Variants in GIGYF2 observed in about 807,000 individuals in gnomAD.
GIGYF2 encodes the protein GRB10-interacting GYF protein 2.
In GIGYF2, 25 loss-of-function variants were observed where a neutral mutation model predicts 208.1. The ratio of observed to expected loss-of-function variants is 0.12; its 90% CI spans 0.09 to 0.17. The LOEUF (loss-of-function observed/expected upper bound fraction) is 0.17. Ranked by LOEUF, GIGYF2 falls within the 10% of genes least tolerant of loss-of-function variation. The pLI is 1.00. For missense variants in GIGYF2, 1,302 were observed against 1,579.4 expected (o/e 0.82, Z 2.98); for synonymous variants, 534 against 543.8 (o/e 0.98, Z 0.25).
At chr2:232,800,214 T>C (rs752930248) in intron 14 of GIGYF2, among the ~76,000 whole-genome samples, 2 of 152,176 alleles carry the variant, frequency 1.3e-5, no homozygotes, top group Admixed American at 6.5e-5. Context: ...TCCAATGTTA[T>C]ATAAAGCATT....
chr2:232,808,895 A>G (rs550464181), intron 15 of GIGYF2, among the ~76,000 whole-genome samples: 25 of 152,018 alleles, frequency 1.6e-4, no homozygotes, highest in Non-Finnish European at 2.9e-4. Flanking sequence ...TTTGGGGGAG[A>G]GAGTTATAGT....
Position 232,756,197 on chromosome 2 carries a change from C to CTTTTTTTTTTTTTTTTTTTTTTTTT in GIGYF2, c.268-6_268-5insTTTTTTTTTTTTTTTTTTTTTTTTT. On this transcript the variant is annotated intron_variant, in intron 5 of 28. Coordinates refer to ENST00000373563, the MANE Select transcript of GIGYF2 (RefSeq NM_001103146.3). Reference sequence around the variant, plus strand: ...TTTTCTTTCTTTTTTTCCTTTTTCTCTTTTTTTTTTTTTTTTTTTTGGCAG... The same window carrying CTTTTTTTTTTTTTTTTTTTTTTTTT: ...TTTTCTTTCTTTTTTTCCTTTTTCTCTTTTTTTTTTTTTTTTTTTTTTTTTTTTTTTTTTTTTTTTTTTTTGGCAG... 4.2e-6 allele frequency: 3 copies of CTTTTTTTTTTTTTTTTTTTTTTTTT among 709,934 alleles called. 1 individual carries two copies. The highest frequency in any genetic ancestry group is 2.0e-5 in the South Asian group (1 of 51,190). The allele number at this position is 709,934 out of a possible 1,614,324, so 44.0% of individuals were successfully genotyped here. A position where few individuals can be genotyped will look rare whatever the true frequency, so the allele number is the denominator to read the frequency against.
chr2:232,775,057 A>C (rs1699454211), intron 8 of GIGYF2, among the ~76,000 whole-genome samples: 1 of 151,980 alleles, frequency 6.6e-6, no homozygotes, highest in African/African-American at 2.4e-5. Flanking sequence ...CGGAACAGTT[A>C]AGCAGCATTT....
At chr2:232,764,042 G>A (rs1428051896) in intron 8 of GIGYF2, among the ~76,000 whole-genome samples, 1 of 152,142 alleles carries the variant, frequency 6.6e-6, no homozygotes, top group African/African-American at 2.4e-5. Context: ...TTCTTTAGAG[G>A]ATATTGTTGG....
chr2:232,732,776 G>A (rs945128321), intron 2 of GIGYF2, among the ~76,000 whole-genome samples: 5 of 151,682 alleles, frequency 3.3e-5, no homozygotes, highest in South Asian at 2.1e-4. Flanking sequence ...CTACAGGCTC[G>A]CACCATCATG....
At chr2:232,818,313 C>T (rs1229080425) in intron 20 of GIGYF2, among the ~76,000 whole-genome samples, 2 of 152,158 alleles carry the variant, frequency 1.3e-5, no homozygotes, top group African/African-American at 4.8e-5. Flanking sequence ...ATTTGCTTTA[C>T]AACATTTTCC....
intron 26 of GIGYF2, among the ~76,000 whole-genome samples, chr2:232,846,992 T>C (rs1339652583): frequency 1.3e-5 from 2 of 152,260 alleles, no homozygotes; most frequent in Non-Finnish European, 2.9e-5. Context: ...TTTTCTTTAG[T>C]GTATGTTGTA....
At chr2:232,763,146 C>T (rs982108410) in intron 8 of GIGYF2, among the ~76,000 whole-genome samples, 7 of 152,126 alleles carry the variant, frequency 4.6e-5, no homozygotes, top group Admixed American at 3.9e-4. Flanking sequence ...TTGTCAAGAC[C>T]TCTGCTCCCA....
intron 8 of GIGYF2, among the ~76,000 whole-genome samples, chr2:232,773,269 A>G (rs537297749): frequency 1.3e-5 from 2 of 152,324 alleles, no homozygotes; most frequent in African/African-American, 4.8e-5. Context: ...GGAAACAACA[A>G]AATCTTCATA....
At chr2:232,744,734 G>T (rs933243129) in intron 3 of GIGYF2, among the ~76,000 whole-genome samples, 1 of 152,010 alleles carries the variant, frequency 6.6e-6, no homozygotes, top group East Asian at 1.9e-4. Context: ...GTTTCATCGT[G>T]TTGCCCAGGC....
chr2:232,798,784 T>G (rs1298209971), intron 14 of GIGYF2, among the ~76,000 whole-genome samples: 5 of 151,268 alleles, frequency 3.3e-5, no homozygotes. Flanking sequence ...TGTTTGCTTA[T>G]TTTACGTTTT....
chr2:232,719,121 G>C (rs1200187215), intron 2 of GIGYF2: 2 of 152,184 alleles, frequency 1.3e-5, no homozygotes, highest in Non-Finnish European at 2.9e-5. Flanking sequence ...GAGTAGATGG[G>C]ATTACAGGTG....
rs1287939259 is a variant in GIGYF2, at chr2:232,859,068, A to G, written c.*2208A>G. On this transcript the variant is annotated 3_prime_UTR_variant, in exon 29 of 29. Coordinates refer to ENST00000373563, the MANE Select transcript of GIGYF2 (RefSeq NM_001103146.3). ...AACATCCATTTGCTTAACCAAGGAG[A>G]CTTGCTTCTATCTGAGGAATTTCCC... 1 of 152,354 alleles carries G rather than the reference A, an allele frequency of 6.6e-6. No homozygotes were observed. Among genetic ancestry groups the G allele is most frequent in the Non-Finnish European group, 1.5e-5 (1 of 68,256 alleles). The allele number at this position is 152,354 out of a possible 1,614,324, so 9.4% of individuals were successfully genotyped here.
At chr2:232,777,623 G>A (rs376933761) in intron 8 of GIGYF2, among the ~76,000 whole-genome samples, 4 of 67,098 alleles carry the variant, frequency 6.0e-5, no homozygotes, top group African/African-American at 1.8e-4. Context: ...TCCCCCCCCC[G>A]CCCCACAATT....
chr2:232,823,363 C>CTTTT (rs368386641), intron 21 of GIGYF2, among the ~76,000 whole-genome samples: 1 of 83,630 alleles, frequency 1.2e-5, no homozygotes, highest in African/African-American at 4.5e-5. Flanking sequence ...TCCTTTCTTT[C>CTTTT]TTTCTTTTTT....
intron 21 of GIGYF2, among the ~76,000 whole-genome samples, chr2:232,829,979 A>G (rs556352279): frequency 2.5e-4 from 37 of 150,246 alleles, no homozygotes; most frequent in African/African-American, 8.0e-4. Flanking sequence ...TTGTTTGTTT[A>G]TTTATTTATT....
chr2:232,787,189 G>A lies in GIGYF2; in HGVS notation c.572G>A (p.Gly191Glu). The change falls in exon 9 of 29, where the codon GGG (glycine) becomes GAG (glutamate). Residue 191 changes from glycine (G) to glutamate (E), a missense_variant. This residue lies in a region of GIGYF2 where 189 missense variants were observed against 257.7 expected (regional missense o/e 0.73). Transcript: ENST00000373563. ...NFEEGGPTSV[G>E]RKHEFIRSES... ...GAGGAAGGTGGACCAACATCAGTAG[G>A]GAGAAAGCATGAATTTATACGCTCA... 1 of 1,614,034 alleles carries A rather than the reference G, an allele frequency of 6.2e-7. No individual in the cohort carries two copies. The highest frequency in any genetic ancestry group is 8.5e-7 in the Non-Finnish European group (1 of 1,179,956).
intron 1 of GIGYF2, among the ~76,000 whole-genome samples, chr2:232,701,641 C>T (rs565974165): frequency 4.7e-4 from 71 of 151,880 alleles, no homozygotes; most frequent in Non-Finnish European, 9.0e-4. Context: ...CTAGGCTGGT[C>T]TTAAACCTCT....
intron 28 of GIGYF2, 64 bp downstream of exon 28, chr2:232,850,473 T>A: frequency 7.1e-7 from 1 of 1,399,894 alleles, no homozygotes; most frequent in East Asian, 2.3e-5. Flanking sequence ...TTATCCTGTG[T>A]GAGTTTCCAT....
Sources: allele counts gnomAD v4.1 joint callset (sites outside exome capture counted in the v4.1 genomes callset), GRCh38; gene constraint gnomAD v4.1.1; regional missense constraint gnomAD v4.1.1; transcripts MANE v1.5; gene names NCBI Gene and HGNC (gene_info 2026-07-23, HGNC 2026-07-21).